Variants in SGCZ observed in about 807,000 individuals in gnomAD.
SGCZ encodes zeta-sarcoglycan.
SGCZ carries 40 observed loss-of-function variants against 41.3 expected under a neutral mutation model. The ratio of observed to expected loss-of-function variants is 0.97; its 90% confidence interval spans 0.75 to 1.26. SGCZ has a LOEUF of 1.26. Ranked by LOEUF, SGCZ falls within the 50% of genes most tolerant of loss-of-function variation. The probability of loss-of-function intolerance (pLI) is 0.00; values close to 1 mark genes in which losing one functional copy is unlikely to be tolerated. For synonymous variants in SGCZ, 206 were observed against 137.5 expected, an observed-to-expected ratio of 1.50 and a Z score of -3.49; for missense variants, 552 against 369.8, an observed-to-expected ratio of 1.49 and a Z score of -4.04.
At chr8:15,200,005 G>C (rs1800843979) in intron 1 of SGCZ, among the ~76,000 whole-genome samples, 1 of 152,014 alleles carries the variant, frequency 6.6e-6, no homozygotes, top group Non-Finnish European at 1.5e-5. Context: ...TATTTGTTGT[G>C]GTCTATACTT....
chr8:14,303,835 T>C (rs1357036554), intron 3 of SGCZ, among the ~76,000 whole-genome samples: 1 of 152,008 alleles, frequency 6.6e-6, no homozygotes, highest in African/African-American at 2.4e-5. Context: ...CACTGCAACC[T>C]CCATTCCCTG....
intron 1 of SGCZ, among the ~76,000 whole-genome samples, chr8:14,775,771 G>C (rs995870068): frequency 5.9e-5 from 9 of 152,112 alleles, no homozygotes; most frequent in African/African-American, 1.9e-4. Flanking sequence ...TAAAAATTTT[G>C]AAATCAGAAT....
At chr8:14,125,920 G>A (rs984437164) in intron 5 of SGCZ, among the ~76,000 whole-genome samples, 5 of 152,178 alleles carry the variant, frequency 3.3e-5, no homozygotes, top group African/African-American at 4.8e-5. Context: ...AAACTGGCGT[G>A]CCATATGCAG....
At chr8:15,107,048 G>A (rs1806856216) in intron 1 of SGCZ, among the ~76,000 whole-genome samples, 2 of 152,062 alleles carry the variant, frequency 1.3e-5, no homozygotes, top group Non-Finnish European at 2.9e-5. Context: ...TTCCTTACAT[G>A]AGCCCCTCTT....
At chr8:14,600,258 G>C (rs1446556787) in intron 1 of SGCZ, among the ~76,000 whole-genome samples, 3 of 152,016 alleles carry the variant, frequency 2.0e-5, no homozygotes, top group Non-Finnish European at 4.4e-5. Flanking sequence ...CTACTCCCTT[G>C]AGTGCCCTTG....
chr8:14,649,201 G>A (rs773902143), intron 1 of SGCZ, among the ~76,000 whole-genome samples: 26 of 152,190 alleles, frequency 1.7e-4, no homozygotes, highest in Non-Finnish European at 3.2e-4. Flanking sequence ...ACAGGGCTAG[G>A]TACTTATCAA....
rs1291179806 is a variant in SGCZ, at chr8:14,088,818, C to G, written c.*1625G>C. ...TCTTCTTGCATTGCCAATATTTCTACTTTCACTAACCACATCTTTTGCAAC... is the reference window on the plus strand; with the variant it reads ...TCTTCTTGCATTGCCAATATTTCTAGTTTCACTAACCACATCTTTTGCAAC... On this transcript the variant is annotated 3_prime_UTR_variant, in exon 8 of 8. Transcript: ENST00000382080. Among the ~76,000 whole-genome samples the G allele has an allele frequency of 6.6e-6, 1 of 151,876 alleles. No individual in the cohort carries two copies. The highest frequency in any genetic ancestry group is 6.6e-5 in the Admixed American group (1 of 15,208).
chr8:14,302,514 T>A (rs1284756302), intron 3 of SGCZ, among the ~76,000 whole-genome samples: 1 of 152,142 alleles, frequency 6.6e-6, no homozygotes, highest in Non-Finnish European at 1.5e-5. Flanking sequence ...TCCCAGAACA[T>A]CATTTCCAAG....
intron 2 of SGCZ, among the ~76,000 whole-genome samples, chr8:14,439,618 G>C (rs527911645): frequency 1.3e-4 from 19 of 151,664 alleles, no homozygotes; most frequent in South Asian, 1.2e-3. Context: ...TGCAAGCTTA[G>C]CTCCATATTA....
chr8:14,937,261 G>A lies in SGCZ; in HGVS notation c.39+300324C>T, dbSNP rs1047892860. Among the ~76,000 whole-genome samples, 3 of 146,448 alleles carry A rather than the reference G, an allele frequency of 2.0e-5. No homozygotes were observed. In the South Asian group the frequency reaches 6.5e-4, roughly 32 times the overall value. ...GATAGTTATATGTTATTTTAAAAAT[G>A]TTGCATTTAATTTGACAACTTAAAT... is the stretch of plus-strand genomic sequence containing the variant. On this transcript the variant is annotated intron_variant, in intron 1 of 7. Coordinates refer to ENST00000382080, the MANE Select transcript of SGCZ (RefSeq NM_139167.4).
At chr8:14,276,277 C>T (rs7833688) in intron 3 of SGCZ, among the ~76,000 whole-genome samples, 32,898 of 152,040 alleles carry the variant, frequency 0.22, 3,752 homozygotes, top group East Asian at 0.3. Context: ...TCAACTGAAA[C>T]TGATTAAATG....
intron 1 of SGCZ, among the ~76,000 whole-genome samples, chr8:15,179,675 G>C (rs1329294165): frequency 6.6e-6 from 1 of 152,060 alleles, no homozygotes; most frequent in East Asian, 1.9e-4. Flanking sequence ...GTACTGTTTT[G>C]GTATAACCCT....
At chr8:14,401,790 T>C (rs1247475227) in intron 2 of SGCZ, among the ~76,000 whole-genome samples, 2 of 151,066 alleles carry the variant, frequency 1.3e-5, no homozygotes, top group African/African-American at 4.9e-5. Flanking sequence ...TATAGTCCTT[T>C]GGGTATATAC....
At chr8:14,455,595 A>AC (rs1470311989) in intron 2 of SGCZ, among the ~76,000 whole-genome samples, 48 of 152,256 alleles carry the variant, frequency 3.2e-4, no homozygotes, top group African/African-American at 1.2e-3. Flanking sequence ...CTGGAATCCC[A>AC]CTTCTAGTAA....
intron 1 of SGCZ, among the ~76,000 whole-genome samples, chr8:15,089,992 A>T (rs573735756): frequency 1.3e-4 from 20 of 152,316 alleles, no homozygotes; most frequent in African/African-American, 4.8e-4. Context: ...TCTAAATTCA[A>T]AGTCTGTGGC....
At chr8:15,216,195 G>C (rs1463911967) in intron 1 of SGCZ, among the ~76,000 whole-genome samples, 1 of 148,218 alleles carries the variant, frequency 6.7e-6, no homozygotes, top group East Asian at 2.0e-4. Flanking sequence ...GATGTTTTAA[G>C]TATCATTTTA....
intron 1 of SGCZ, among the ~76,000 whole-genome samples, chr8:14,675,334 C>A (rs1808239242): frequency 6.6e-6 from 1 of 151,716 alleles, no homozygotes; most frequent in Non-Finnish European, 1.5e-5. Context: ...ATGCATAATA[C>A]CGAAACAAAC....
At chr8:14,551,507 T>A (rs898384813) in intron 2 of SGCZ, among the ~76,000 whole-genome samples, 256 of 5,076 alleles carry the variant, frequency 0.05, 8 homozygotes, top group South Asian at 0.12. Context: ...ATTATATATA[T>A]TATATATATT....
At chr8:15,130,202 G>A (rs182583079) in intron 1 of SGCZ, among the ~76,000 whole-genome samples, 1 of 152,060 alleles carries the variant, frequency 6.6e-6, no homozygotes, top group Non-Finnish European at 1.5e-5. Context: ...GGCTCCTGGC[G>A]AGCTGCAAAA....
Sources: allele counts gnomAD v4.1 joint callset (sites outside exome capture counted in the v4.1 genomes callset), GRCh38; gene constraint gnomAD v4.1.1; transcripts MANE v1.5; gene names NCBI Gene and HGNC (gene_info 2026-07-23, HGNC 2026-07-21).